KCTD8: variants seen among roughly 807,000 people sequenced by gnomAD.
KCTD8 encodes the protein potassium channel tetramerization domain containing 8, also known as BTB/POZ domain-containing protein KCTD8.
KCTD8 carries 27 observed loss-of-function variants against 31.5 expected under a neutral mutation model. The ratio of observed to expected loss-of-function variants is 0.86; its 90% CI spans 0.63 to 1.18. KCTD8 has a LOEUF of 1.18. KCTD8 is among the 50% of genes most tolerant of loss of function. KCTD8 has a pLI of 0.00. For missense variants in KCTD8, 658 were observed against 647.7 expected, an observed-to-expected ratio of 1.02 and a Z score of -0.17; for synonymous variants, 290 against 280.0, an observed-to-expected ratio of 1.04 and a Z score of -0.36.
chr4:44,379,768 A>T (rs1446556837), intron 1 of KCTD8, among the ~76,000 whole-genome samples: 2 of 152,088 alleles, frequency 1.3e-5, no homozygotes, highest in Non-Finnish European at 2.9e-5. Flanking sequence ...AATTACATTA[A>T]TTTTTACATT....
intron 1 of KCTD8, among the ~76,000 whole-genome samples, chr4:44,411,574 T>G (rs1012062355): frequency 3.9e-5 from 6 of 152,028 alleles, no homozygotes; most frequent in African/African-American, 1.4e-4. Flanking sequence ...GGTTGAAGAA[T>G]TTTGTCTCCC....
Position 44,337,695 on chromosome 4 carries a change from ATATG to A in KCTD8, c.961+109864_961+109867del, listed in dbSNP as rs200933079. On this transcript the variant is annotated intron_variant, in intron 1 of 1. Transcript: ENST00000360029. ...TCTCAAAAAATATATATATATATAT[ATATG>A]TGTATATATATTTAGTCATTAATTG... Among the ~76,000 whole-genome samples the A allele has an allele frequency of 3.4e-4, 43 of 127,326 alleles. 1 individual carries two copies. Among genetic ancestry groups the A allele is most frequent in the African/African-American group, 5.2e-4 (17 of 32,818 alleles). The allele number at this position is 127,326 out of a possible 152,430, so 83.5% of individuals were successfully genotyped here.
intron 1 of KCTD8, among the ~76,000 whole-genome samples, chr4:44,365,058 A>G (rs182487890): frequency 6.6e-6 from 1 of 152,134 alleles, no homozygotes; most frequent in Non-Finnish European, 1.5e-5. Context: ...ACCTTATAAT[A>G]AACTATGGAC....
At chr4:44,178,780 GGGA>G (rs1713291680) in intron 1 of KCTD8, among the ~76,000 whole-genome samples, 1 of 152,062 alleles carries the variant, frequency 6.6e-6, no homozygotes, top group Non-Finnish European at 1.5e-5. Flanking sequence ...TCTATTCACT[GGGA>G]GGAAGAAAAA....
At chr4:44,326,998 G>T (rs556713784) in intron 1 of KCTD8, among the ~76,000 whole-genome samples, 3 of 151,978 alleles carry the variant, frequency 2.0e-5, no homozygotes, top group Admixed American at 6.6e-5. Flanking sequence ...AAATAAAATT[G>T]CACAAGGATG....
At chr4:44,385,408 G>A (rs1219610135) in intron 1 of KCTD8, among the ~76,000 whole-genome samples, 1 of 151,632 alleles carries the variant, frequency 6.6e-6, no homozygotes, top group Non-Finnish European at 1.5e-5. Context: ...TACTTATACG[G>A]TAAAATGATT....
intron 1 of KCTD8, among the ~76,000 whole-genome samples, chr4:44,178,625 GA>G (rs199684902): frequency 0.036 from 5,421 of 152,092 alleles, 332 homozygotes; most frequent in African/African-American, 0.12. Flanking sequence ...AATAAGTGAT[GA>G]AAAAAATAAT....
intron 1 of KCTD8, among the ~76,000 whole-genome samples, chr4:44,208,754 A>T (rs1302538839): frequency 6.6e-6 from 1 of 152,138 alleles, no homozygotes; most frequent in Non-Finnish European, 1.5e-5. Flanking sequence ...CTACCTATAG[A>T]TACTGTAAAT....
At chr4:44,199,545 C>T (rs1164750309) in intron 1 of KCTD8, among the ~76,000 whole-genome samples, 3 of 152,080 alleles carry the variant, frequency 2.0e-5, no homozygotes, top group African/African-American at 7.2e-5. Flanking sequence ...CAACTTGCTC[C>T]AGAATAACTC....
intron 1 of KCTD8, among the ~76,000 whole-genome samples, chr4:44,327,841 A>G (rs1351541841): frequency 6.6e-6 from 1 of 151,808 alleles, no homozygotes; most frequent in Non-Finnish European, 1.5e-5. Flanking sequence ...AGTTTAATCT[A>G]TCATTACAAA....
chr4:44,326,051 A>G (rs1404977104), intron 1 of KCTD8, among the ~76,000 whole-genome samples: 1 of 151,984 alleles, frequency 6.6e-6, no homozygotes, highest in Non-Finnish European at 1.5e-5. Context: ...AAAGTACTCT[A>G]AAATGTTGTG....
intron 1 of KCTD8, among the ~76,000 whole-genome samples, chr4:44,281,637 T>C (rs902128392): frequency 6.6e-6 from 1 of 152,138 alleles, no homozygotes; most frequent in Non-Finnish European, 1.5e-5. Context: ...TGGAAAATGT[T>C]TTTCCACTAT....
rs1251949299 is a variant in KCTD8, at chr4:44,250,464, T to C, written c.962-75214A>G. Among the ~76,000 whole-genome samples the C allele has an allele frequency of 2.6e-5, 4 of 151,770 alleles. No homozygotes were observed. In the East Asian group the frequency reaches 7.7e-4, roughly 29 times the overall value. On this transcript the variant is annotated intron_variant, in intron 1 of 1. Coordinates refer to ENST00000360029, the MANE Select transcript of KCTD8 (RefSeq NM_198353.3). ...ATCATGTAGGAAAGTATTATTTTTGTCTCCACTTTACAGGTGAAAGAGCAG... is the reference window on the plus strand; with the variant it reads ...ATCATGTAGGAAAGTATTATTTTTGCCTCCACTTTACAGGTGAAAGAGCAG...
chr4:44,252,331 GTA>G lies in KCTD8; in HGVS notation c.962-77083_962-77082del, dbSNP rs2109361912. Among the ~76,000 whole-genome samples the G allele has an allele frequency of 2.0e-5, 3 of 151,790 alleles. No homozygotes were observed. In the East Asian group the frequency reaches 5.8e-4, roughly 29 times the overall value. ...TGTGCTGCTATAAACGTGTGTGTAA[GTA>G]TATTTTTTCATATAATGACTTCTTT... On this transcript the variant is annotated intron_variant, in intron 1 of 1. Transcript: ENST00000360029.
rs190864266 is a variant in KCTD8 at position 44,437,031 on chromosome 4, G to A, written c.961+10532C>T. ...TTTCCCTTAATTCACTCATGAAACT[G>A]TCCAGAAGTGCACAATGATTTTGAA... On this transcript the variant is annotated intron_variant, in intron 1 of 1. Coordinates refer to ENST00000360029, the MANE Select transcript of KCTD8 (RefSeq NM_198353.3). Among the ~76,000 whole-genome samples the A allele has an allele frequency of 7.3e-5, 11 of 149,992 alleles. No individual in the cohort carries two copies. The East Asian group carries it at 2.2e-3, about 30-fold the overall frequency.
intron 1 of KCTD8, among the ~76,000 whole-genome samples, chr4:44,320,170 C>CAAAAAAAAAAAA (rs35250421): frequency 3.1e-5 from 1 of 31,920 alleles, no homozygotes; most frequent in Non-Finnish European, 5.3e-5. Flanking sequence ...GCCTCCATCT[C>CAAAAAAAAAAAA]AAAAAAAAAA....
At chr4:44,179,101 C>T (rs1286240885) in intron 1 of KCTD8, among the ~76,000 whole-genome samples, 1 of 151,796 alleles carries the variant, frequency 6.6e-6, no homozygotes, top group Non-Finnish European at 1.5e-5. Flanking sequence ...GGAAGATGAA[C>T]TAAGATGCAC....
chr4:44,433,867 G>T (rs571736550), intron 1 of KCTD8, among the ~76,000 whole-genome samples: 1 of 151,760 alleles, frequency 6.6e-6, no homozygotes, highest in Admixed American at 6.6e-5. Flanking sequence ...CTCCACTAAT[G>T]TTCATCTGAC....
intron 1 of KCTD8, among the ~76,000 whole-genome samples, chr4:44,257,990 G>C (rs748881226): frequency 1.3e-5 from 2 of 151,890 alleles, no homozygotes; most frequent in Non-Finnish European, 2.9e-5. Flanking sequence ...CTTCGTTCCA[G>C]TTCATTAATT....
Sources: allele counts gnomAD v4.1 joint callset (sites outside exome capture counted in the v4.1 genomes callset), GRCh38; gene constraint gnomAD v4.1.1; transcripts MANE v1.5; gene names NCBI Gene and HGNC (gene_info 2026-07-23, HGNC 2026-07-21).